Variants in THRB observed in about 807,000 individuals in gnomAD.
THRB encodes nuclear receptor subfamily 1 group A member 2.
THRB carries 12 observed loss-of-function variants against 47.8 expected under a neutral mutation model. The ratio of observed to expected loss-of-function variants is 0.25; its 90% CI spans 0.16 to 0.41. The LOEUF is 0.41. THRB is among the 10% of genes least tolerant of loss of function. The pLI is 1.00. For missense variants in THRB, 348 were observed against 589.2 expected, an observed-to-expected ratio of 0.59 and a Z score of 4.24; for synonymous variants, 218 against 212.2, an observed-to-expected ratio of 1.03 and a Z score of -0.24.
At position 24,337,850 on chromosome 3, in the gene THRB, C is replaced by T. The variant is rs143929335; in HGVS notation, c.-260-479G>A. On this transcript the variant is annotated intron_variant, in intron 1 of 10. Coordinates refer to ENST00000646209, the MANE Select transcript of THRB (RefSeq NM_001354712.2). ...ACTGCCATATGAACCTGTGGGGAAG[C>T]GATGGGTTCCTCATCAGGGTATGAA... Among the ~76,000 whole-genome samples the T allele has an allele frequency of 2.1e-3, 316 of 152,190 alleles. 2 individuals are homozygous for T. Among genetic ancestry groups the T allele is most frequent in the African/African-American group, 7.3e-3 (305 of 41,550 alleles).
intron 4 of THRB, among the ~76,000 whole-genome samples, chr3:24,193,369 T>C (rs1004669696): frequency 6.6e-6 from 1 of 152,184 alleles, no homozygotes. Context: ...TGCATAGATC[T>C]ATCAAGTTCT....
intron 10 of THRB, among the ~76,000 whole-genome samples, 171 bp from the exon 11 acceptor site, chr3:24,123,296 G>C (rs1209106152): frequency 6.6e-6 from 1 of 152,170 alleles, no homozygotes; most frequent in Non-Finnish European, 1.5e-5. Context: ...TACCAGGGGA[G>C]TGGCATCATT....
At chr3:24,219,694 T>G (rs1316259684) in intron 4 of THRB, among the ~76,000 whole-genome samples, 1 of 152,196 alleles carries the variant, frequency 6.6e-6, no homozygotes, top group African/African-American at 2.4e-5. Context: ...ATGGCCAAAC[T>G]AACATTTTCT....
At chr3:24,481,913 T>C (rs982934479) in intron 1 of THRB, among the ~76,000 whole-genome samples, 8 of 151,472 alleles carry the variant, frequency 5.3e-5, no homozygotes, top group South Asian at 2.1e-4. Flanking sequence ...TGAGTGCCTA[T>C]TATTATTACC....
chr3:24,444,111 T>C (rs1383487109), intron 1 of THRB, among the ~76,000 whole-genome samples: 1 of 152,132 alleles, frequency 6.6e-6, no homozygotes, highest in Non-Finnish European at 1.5e-5. Context: ...ATCAAATAAA[T>C]AGCTGTTAAA....
chr3:24,461,288 G>A (rs2073677553), intron 1 of THRB, among the ~76,000 whole-genome samples: 2 of 152,196 alleles, frequency 1.3e-5, no homozygotes, highest in Admixed American at 1.3e-4. Flanking sequence ...TCTGAGGTAG[G>A]TTTCCTCCCT....
chr3:24,285,959 G>A (rs1451250668), intron 3 of THRB, among the ~76,000 whole-genome samples: 1 of 152,186 alleles, frequency 6.6e-6, no homozygotes, highest in African/African-American at 2.4e-5. Flanking sequence ...CGGTAGTTGG[G>A]TTAGATTAGG....
At position 24,492,957 on chromosome 3, in the gene THRB, C is replaced by T. The variant is rs116712748; in HGVS notation, c.-261+1695G>A. Among the ~76,000 whole-genome samples, 817 of 152,342 alleles carry T rather than the reference C, an allele frequency of 5.4e-3. 9 individuals carry two copies. The highest frequency in any genetic ancestry group is 0.018 in the African/African-American group (755 of 41,590). ...CAAACTGTATTTACTAGCAGATGGT[C>T]TCACTTCCAATATATAATAAACCTC... On this transcript the variant is annotated intron_variant, in intron 1 of 10. Coordinates refer to ENST00000646209, the MANE Select transcript of THRB (RefSeq NM_001354712.2).
In THRB at chr3:24,152,371, G is replaced by C; in HGVS notation, c.384+19C>G. On this transcript the variant is annotated intron_variant, in intron 6 of 10. Coordinates refer to ENST00000646209, the MANE Select transcript of THRB (RefSeq NM_001354712.2). Reference sequence around the variant, plus strand: ...TGGAGCTGGGCTAAGCTCTGTGCTTGTGGACCCAGGGCAATTACCTTGCAG... The same window carrying C: ...TGGAGCTGGGCTAAGCTCTGTGCTTCTGGACCCAGGGCAATTACCTTGCAG... The C allele has an allele frequency of 6.7e-7, 1 of 1,491,888 alleles. No homozygotes were observed. The highest frequency in any genetic ancestry group is 9.4e-7 in the Non-Finnish European group (1 of 1,068,782). The allele number at this position is 1,491,888 out of a possible 1,614,324, so 92.4% of individuals were successfully genotyped here. A position where few individuals can be genotyped will look rare whatever the true frequency, so the allele number is the denominator to read the frequency against.
At chr3:24,487,775 A>G (rs1445431001) in intron 1 of THRB, among the ~76,000 whole-genome samples, 2 of 152,228 alleles carry the variant, frequency 1.3e-5, no homozygotes, top group African/African-American at 2.4e-5. Flanking sequence ...TTCTGCAAGT[A>G]TGGACATGCC....
intron 1 of THRB, among the ~76,000 whole-genome samples, chr3:24,418,893 A>C (rs1577427044): frequency 6.6e-6 from 1 of 152,088 alleles, no homozygotes; most frequent in South Asian, 2.1e-4. Flanking sequence ...ATGGCTGTTC[A>C]GTCATCCCAC....
At chr3:24,298,945 T>C (rs1274751284) in intron 2 of THRB, among the ~76,000 whole-genome samples, 1 of 152,208 alleles carries the variant, frequency 6.6e-6, no homozygotes, top group African/African-American at 2.4e-5. Context: ...TATTTTTTTT[T>C]CTGCTTAGAA....
At chr3:24,266,997 C>A (rs1336162255) in intron 3 of THRB, among the ~76,000 whole-genome samples, 2 of 151,266 alleles carry the variant, frequency 1.3e-5, no homozygotes, top group African/African-American at 2.4e-5. Flanking sequence ...GAAAACATAA[C>A]CCAAGAAAAA....
intron 3 of THRB, among the ~76,000 whole-genome samples, chr3:24,257,244 A>G (rs1692981291): frequency 6.6e-6 from 1 of 152,130 alleles, no homozygotes; most frequent in South Asian, 2.1e-4. Context: ...AAAATGAAAT[A>G]AATTTTTTGA....
chr3:24,357,346 CAAAAAAAAAAAAAAAA>C (rs781709724), intron 1 of THRB, among the ~76,000 whole-genome samples: 2 of 28,714 alleles, frequency 7.0e-5, no homozygotes, highest in Non-Finnish European at 1.3e-4. Context: ...TTGTCTCTCC[CAAAAAAAAAAAAAAAA>C]AAAAAAAAAA....
intron 3 of THRB, among the ~76,000 whole-genome samples, chr3:24,287,976 A>G (rs2055502870): frequency 6.6e-6 from 1 of 152,246 alleles, no homozygotes; most frequent in Admixed American, 6.5e-5. Context: ...GATTTTCTCC[A>G]CATTATAGCT....
At chr3:24,308,736 A>T (rs1379036457) in intron 2 of THRB, among the ~76,000 whole-genome samples, 2 of 152,162 alleles carry the variant, frequency 1.3e-5, no homozygotes, top group Non-Finnish European at 2.9e-5. Flanking sequence ...GTATAAACTC[A>T]ATGAATATTT....
chr3:24,239,543 G>A, intron 3 of THRB, among the ~76,000 whole-genome samples: 1 of 151,938 alleles, frequency 6.6e-6, no homozygotes, highest in East Asian at 1.9e-4. Context: ...CGGACTACTG[G>A]TCTTAAGCAA....
chr3:24,324,634 A>G (rs983228293), intron 2 of THRB, among the ~76,000 whole-genome samples: 2 of 152,230 alleles, frequency 1.3e-5, no homozygotes, highest in African/African-American at 2.4e-5. Context: ...ATTTTAATGG[A>G]GAAATCAGTT....
Sources: gnomAD v4.1 joint callset for allele counts (sites outside exome capture counted in the v4.1 genomes callset) on GRCh38, gnomAD v4.1.1 for gene constraint, MANE v1.5 for transcripts, NCBI Gene and HGNC (gene_info 2026-07-23, HGNC 2026-07-21) for gene names.